The following ARPC4 variants were observed in gnomAD, a reference collection of about 807,000 sequenced individuals.
The protein encoded by ARPC4 is actin related protein 2/3 complex subunit 4.
Under a neutral mutation model 22.8 loss-of-function variants are expected in ARPC4, and 3 were observed. The observed-to-expected ratio is 0.13, with a 90% CI of 0.06 to 0.34. ARPC4 has a LOEUF of 0.34. ARPC4 is among the 10% of genes least tolerant of loss of function. ARPC4 has a pLI of 1.00. For synonymous variants in ARPC4, 80 were observed against 72.5 expected (o/e 1.10, Z -0.52); for missense variants, 98 against 211.0 (o/e 0.46, Z 3.32).
chr3:9,805,758 A>G (rs1332569403), intron 5 of ARPC4, among the ~76,000 whole-genome samples: 1 of 152,222 alleles, frequency 6.6e-6, no homozygotes, highest in East Asian at 1.9e-4. Flanking sequence ...TTGAGGGCAG[A>G]AAACATTTCA....
chr3:9,798,738 G>C (rs59610731), intron 2 of ARPC4, among the ~76,000 whole-genome samples: 9 of 151,986 alleles, frequency 5.9e-5, no homozygotes, highest in Admixed American at 2.6e-4. Context: ...GCTGGGCATG[G>C]TGGTATGCAC....
At chr3:9,803,730 A>G in intron 4 of ARPC4, 113 bp from the exon 5 acceptor site, 3 of 1,200,982 alleles carry the variant, frequency 2.5e-6, no homozygotes, top group Non-Finnish European at 3.6e-6. Flanking sequence ...GGAGAAGATC[A>G]CAGCCAGTGG....
intron 3 of ARPC4, among the ~76,000 whole-genome samples, chr3:9,800,970 G>A (rs1269795937): frequency 2.0e-5 from 3 of 151,962 alleles, no homozygotes; most frequent in African/African-American, 7.2e-5. Flanking sequence ...CAGCACTTTG[G>A]GAGACCAAGG....
Position 9,803,658 on chromosome 3 carries a change from A to G in ARPC4, c.331-185A>G, listed in dbSNP as rs1457473448. On this transcript the variant is annotated intron_variant, in intron 4 of 5. Coordinates refer to ENST00000397261, the MANE Select transcript of ARPC4 (RefSeq NM_005718.5). Reference sequence around the variant, plus strand: ...TTCTCAACGGGGTTCAGTTGCTTGGATCCAACCTAGACACCCTCCCCCAGA... The same window carrying G: ...TTCTCAACGGGGTTCAGTTGCTTGGGTCCAACCTAGACACCCTCCCCCAGA... 1.2e-5 allele frequency: 9 copies of G among 772,100 alleles called. No homozygotes were observed. The East Asian group carries it at 2.0e-4, about 17-fold the overall frequency. 47.8% of individuals were successfully genotyped at this position (772,100 alleles called of 1,614,324 possible). A position where few individuals can be genotyped will look rare whatever the true frequency, so the allele number is the denominator to read the frequency against.
chr3:9,793,785 G>T (rs2078813641), intron 1 of ARPC4, among the ~76,000 whole-genome samples: 1 of 152,096 alleles, frequency 6.6e-6, no homozygotes, highest in African/African-American at 2.4e-5. Flanking sequence ...ATACGTGTGG[G>T]CATTCCTGGG....
rs769004641 is a variant in ARPC4, at chr3:9,806,202, C to CT, written c.502-6dup. ...CCACCATGCACTGCCTCTTGGTTCT[C>CT]TTGACAGTTTTAAACCATCTGGCTG... On this transcript the variant is annotated splice_polypyrimidine_tract_variant and splice_region_variant and intron_variant, in intron 5 of 5. Coordinates refer to ENST00000397261, the MANE Select transcript of ARPC4 (RefSeq NM_005718.5). 8 of 1,613,908 alleles carry CT rather than the reference C, an allele frequency of 5.0e-6. No individual in the cohort carries two copies. The South Asian group carries it at 8.8e-5, about 18-fold the overall frequency.
Position 9,806,905 on chromosome 3 carries a change from G to C in ARPC4, c.*690G>C, listed in dbSNP as rs1217707075. ...TTGGGTGCCCTCCCAGTTGAGAGGG[G>C]CCGCTGTTTCGCCTTGTCCGTCAGT... On this transcript the variant is annotated 3_prime_UTR_variant, in exon 6 of 6. Transcript: ENST00000397261. The C allele has an allele frequency of 6.6e-6, 1 of 152,668 alleles. No individual in the cohort carries two copies. The highest frequency in any genetic ancestry group is 1.5e-5 in the Non-Finnish European group (1 of 68,318). The allele number at this position is 152,668 out of a possible 1,614,324, so 9.5% of individuals were successfully genotyped here. A position where few individuals can be genotyped will look rare whatever the true frequency, so the allele number is the denominator to read the frequency against.
intron 1 of ARPC4, among the ~76,000 whole-genome samples, chr3:9,796,288 G>T (rs2078883623): frequency 6.6e-6 from 1 of 152,174 alleles, no homozygotes; most frequent in Admixed American, 6.5e-5. Context: ...CAGCTACTCG[G>T]GAGGCTGAAG....
chr3:9,795,744 T>C (rs1333541877), intron 1 of ARPC4, among the ~76,000 whole-genome samples: 1 of 152,154 alleles, frequency 6.6e-6, no homozygotes, highest in Admixed American at 6.6e-5. Context: ...GTGAATAAAA[T>C]AGATATGGTC....
intron 2 of ARPC4, 96 bp from the exon 3 acceptor site, chr3:9,800,089 C>A: frequency 8.1e-7 from 1 of 1,230,424 alleles, no homozygotes. Context: ...ATTCCTTGGA[C>A]TCTATGGTCT....
chr3:9,804,628 T>C (rs948130592), intron 5 of ARPC4, among the ~76,000 whole-genome samples: 1 of 152,228 alleles, frequency 6.6e-6, no homozygotes, highest in African/African-American at 2.4e-5. Flanking sequence ...GCCTTTTTTT[T>C]TCTCCTTTTT....
Position 9,801,641 on chromosome 3 carries a change from T to G in ARPC4, c.235-20T>G. The G allele has an allele frequency of 6.3e-7, 1 of 1,587,756 alleles. No individual in the cohort carries two copies. Among genetic ancestry groups the G allele is most frequent in the Admixed American group, 1.7e-5 (1 of 57,758 alleles). Reference sequence around the variant, plus strand: ...TTGGGTGTCAGCTTTAGAGAAACATTTCTCTCTTGCACTCCCCAGGCTGAT... The same window carrying G: ...TTGGGTGTCAGCTTTAGAGAAACATGTCTCTCTTGCACTCCCCAGGCTGAT... On this transcript the variant is annotated intron_variant, in intron 3 of 5. Coordinates refer to ENST00000397261, the MANE Select transcript of ARPC4 (RefSeq NM_005718.5).
upstream of ARPC4, chr3:9,792,776 T>C (rs2078773185): frequency 1.6e-6 from 2 of 1,259,302 alleles, no homozygotes; most frequent in African/African-American, 3.1e-5. Flanking sequence ...CTTCGGCTTG[T>C]CCTAATTTGG....
chr3:9,806,070 C>G, intron 5 of ARPC4, 140 bp from the exon 6 acceptor site: 1 of 967,602 alleles, frequency 1.0e-6, no homozygotes, highest in Non-Finnish European at 1.7e-6. Flanking sequence ...AGAGCATGAC[C>G]ACAAGGTGTC....
intron 2 of ARPC4, chr3:9,798,079 G>T: frequency 4.0e-6 from 1 of 247,876 alleles, no homozygotes; most frequent in Admixed American, 5.2e-5. Flanking sequence ...TTTAAGGAAT[G>T]GTCAGATAAT....
At position 9,793,152 on chromosome 3, in the gene ARPC4, AC is replaced by A. The variant is rs751347831; in HGVS notation, c.3+33del. 1.0e-5 allele frequency: 16 copies of A among 1,535,804 alleles called. No homozygotes were observed. The South Asian group carries it at 1.9e-4, about 18-fold the overall frequency. On this transcript the variant is annotated intron_variant, in intron 1 of 5. Coordinates refer to ENST00000397261, the MANE Select transcript of ARPC4 (RefSeq NM_005718.5). ...GAGAGAGCCGGGCCCCCGGCCAGGG[AC>A]CCCCGGCTGTTCGGCCTCAGGGCAG...
chr3:9,797,876 A>C, intron 2 of ARPC4, 99 bp downstream of exon 2: 1 of 1,237,304 alleles, frequency 8.1e-7, no homozygotes, highest in East Asian at 2.5e-5. Flanking sequence ...AGTAGTCAGG[A>C]AAGCTGCAGT....
At chr3:9,793,923 A>G (rs1438743506) in intron 1 of ARPC4, among the ~76,000 whole-genome samples, 2 of 152,038 alleles carry the variant, frequency 1.3e-5, no homozygotes, top group African/African-American at 4.8e-5. Context: ...CTCTCTTTCA[A>G]GGTTTGCCTG....
intron 4 of ARPC4, among the ~76,000 whole-genome samples, chr3:9,802,321 G>A (rs1217702638): frequency 6.7e-6 from 1 of 149,950 alleles, no homozygotes; most frequent in East Asian, 2.0e-4. Flanking sequence ...ATCAGAAAGA[G>A]CACAGTGAAT....
Sources: gnomAD v4.1 joint callset for allele counts (sites outside exome capture counted in the v4.1 genomes callset) on GRCh38, gnomAD v4.1.1 for gene constraint, MANE v1.5 for transcripts, NCBI Gene and HGNC (gene_info 2026-07-23, HGNC 2026-07-21) for gene names.